LETM1: variants seen among roughly 807,000 people sequenced by gnomAD.
The protein encoded by LETM1 is leucine zipper and EF-hand containing transmembrane protein 1, also known as mitochondrial proton/calcium exchanger protein.
LETM1 carries 50 observed loss-of-function variants against 74.5 expected under a neutral mutation model. The ratio of observed to expected loss-of-function variants is 0.67; its 90% confidence interval spans 0.53 to 0.85. LETM1 has a LOEUF of 0.85. Ranked by LOEUF, LETM1 falls within the 40% of genes least tolerant of loss-of-function variation. LETM1 has a pLI of 0.00. For synonymous variants in LETM1, 446 were observed against 407.1 expected, an observed-to-expected ratio of 1.10 and a Z score of -1.15; for missense variants, 824 against 967.8, an observed-to-expected ratio of 0.85 and a Z score of 1.97.
At position 1,818,910 on chromosome 4, in the gene LETM1, C is replaced by G. The variant is rs546174776; in HGVS notation, c.1743+428G>C. Among the ~76,000 whole-genome samples, 3 of 151,772 alleles carry G rather than the reference C, an allele frequency of 2.0e-5. No individual in the cohort carries two copies. In the South Asian group the frequency reaches 6.3e-4, roughly 32 times the overall value. On this transcript the variant is annotated intron_variant, in intron 11 of 13. Coordinates refer to ENST00000302787, the MANE Select transcript of LETM1 (RefSeq NM_012318.3). ...GAGCCTGGTCAACATGGTGAAACCC[C>G]GTCTCTACTAAAAATACAAAAAATT... is the stretch of plus-strand genomic sequence containing the variant.
rs1173015252 is a variant in LETM1 at position 1,812,366 on chromosome 4, A to C, written c.*2058T>G. 3 of 11,692 alleles carry C rather than the reference A, an allele frequency of 2.6e-4. No individual in the cohort carries two copies. Among genetic ancestry groups the C allele is most frequent in the African/African-American group, 8.0e-4 (3 of 3,732 alleles). The allele number at this position is 11,692 out of a possible 1,614,324, so 0.7% of individuals were successfully genotyped here. A position where few individuals can be genotyped will look rare whatever the true frequency, so the allele number is the denominator to read the frequency against. On this transcript the variant is annotated 3_prime_UTR_variant, in exon 14 of 14. Coordinates refer to ENST00000302787, the MANE Select transcript of LETM1 (RefSeq NM_012318.3). ...GGTGACAGAGCGAGACTCTGTATCAAAAAAAAAAAAAAAAAAAAAAAAAAG... is the reference window on the plus strand; with the variant it reads ...GGTGACAGAGCGAGACTCTGTATCACAAAAAAAAAAAAAAAAAAAAAAAAG...
At chr4:1,832,346 C>G (rs1009444343) in intron 6 of LETM1, among the ~76,000 whole-genome samples, 2 of 151,978 alleles carry the variant, frequency 1.3e-5, no homozygotes, top group African/African-American at 4.8e-5. Context: ...GGGCAGCGCC[C>G]TGAAAGCACA....
intron 11 of LETM1, among the ~76,000 whole-genome samples, chr4:1,818,489 T>C (rs990331282): frequency 6.6e-6 from 1 of 151,706 alleles, no homozygotes; most frequent in Non-Finnish European, 1.5e-5. Flanking sequence ...GGCACATGCC[T>C]GTAGTCCCAG....
chr4:1,822,568 C>G (rs933678183), intron 9 of LETM1: 5 of 365,394 alleles, frequency 1.4e-5, no homozygotes, highest in Admixed American at 4.7e-5. Flanking sequence ...TGCCCTGTCA[C>G]TTGCAGAGCA....
chr4:1,834,671 C>T lies in LETM1; in HGVS notation c.876+174G>A, dbSNP rs972172666. ...ACCACAGCTTAACTCACTGGGAGCT[C>T]GTGGGGGCAGACTCCTGACACTCCA... On this transcript the variant is annotated intron_variant, in intron 5 of 13. Transcript: ENST00000302787. This position sits in a 1 kb window ranked among gnomAD's most constrained non-coding sequence, Gnocchi z 5.0. The T allele has an allele frequency of 2.8e-6, 4 of 1,440,798 alleles. No individual in the cohort carries two copies. The highest frequency in any genetic ancestry group is 2.9e-5 in the African/African-American group (2 of 69,824). The allele number at this position is 1,440,798 out of a possible 1,614,324, so 89.3% of individuals were successfully genotyped here.
In LETM1 at chr4:1,814,504, G is replaced by A. The variant is rs751945222; in HGVS notation, c.2140C>T (p.Leu714=). The A allele has an allele frequency of 5.0e-5, 81 of 1,613,922 alleles. No homozygotes were observed. The highest frequency in any genetic ancestry group is 6.4e-5 in the Non-Finnish European group (76 of 1,179,926). ...TSQVAEIVAT[L]EKEEKVEEKE... is the part of the protein sequence containing the mutation. ...TCCTCCACCTTCTCCTCTTTTTCCA[G>A]TGTTGCTACAATCTCAGCCACCTGG... The change falls in exon 14 of 14, where the codon CTG becomes TTG. Residue 714 remains leucine (L), a synonymous_variant. Coordinates refer to ENST00000302787, the MANE Select transcript of LETM1 (RefSeq NM_012318.3).
intron 3 of LETM1, among the ~76,000 whole-genome samples, chr4:1,838,044 G>A (rs1249003564): frequency 1.3e-5 from 2 of 152,042 alleles, no homozygotes; most frequent in Non-Finnish European, 2.9e-5. Context: ...CACAAAAGCA[G>A]AACTGCAAAT....
chr4:1,827,643 T>C (rs1176693908), intron 6 of LETM1, among the ~76,000 whole-genome samples: 3 of 136,974 alleles, frequency 2.2e-5, no homozygotes, highest in Admixed American at 7.4e-5. Context: ...GGCAGAGGAA[T>C]TTTTCTTAGT....
At position 1,816,798 on chromosome 4, in the gene LETM1, A is replaced by G. The variant is rs1481062837; in HGVS notation, c.1860T>C (p.Asp620=). The change falls in exon 12 of 14, where the codon GAT becomes GAC. Residue 620 remains aspartate, a synonymous_variant. Coordinates refer to ENST00000302787, the MANE Select transcript of LETM1 (RefSeq NM_012318.3). The stretch of plus-strand genomic sequence containing the variant: ...CCATCTCCAGCTGCGAGATCAAGCC[A>G]TCGATCTGCCCGATCATTTGCTGCA... ...KRVQQMIGQI[D]GLISQLEMDQ... is the part of the protein sequence containing the mutation. 1.2e-6 allele frequency: 2 copies of G among 1,614,250 alleles called. No homozygotes were observed. Among genetic ancestry groups the G allele is most frequent in the Non-Finnish European group, 1.7e-6 (2 of 1,180,028 alleles).
At chr4:1,843,355 C>T (rs561270443) in intron 2 of LETM1, 1 of 153,126 alleles carries the variant, frequency 6.5e-6, no homozygotes, top group Non-Finnish European at 1.5e-5. Flanking sequence ...ACTCTCTGGA[C>T]CCGCTGCTTG....
intron 6 of LETM1, among the ~76,000 whole-genome samples, chr4:1,828,043 G>C (rs1712068649): frequency 7.0e-6 from 1 of 142,824 alleles, no homozygotes; most frequent in Non-Finnish European, 1.5e-5. Flanking sequence ...CCGGGCAGGG[G>C]GGCTGACCCC....
At chr4:1,848,173 G>A (rs1263284401) in intron 2 of LETM1, among the ~76,000 whole-genome samples, 1 of 152,188 alleles carries the variant, frequency 6.6e-6, no homozygotes, top group Non-Finnish European at 1.5e-5. Context: ...GGAGGCTAAG[G>A]CAGGCAGATC....
chr4:1,829,677 C>T lies in LETM1; in HGVS notation c.1080+3067G>A, dbSNP rs556772376. Reference sequence around the variant, plus strand: ...TACAAGAAAAATAAACAAAACTAGCCGGTGTGGTGGCACAGGCCTGTGGTC... The same window carrying T: ...TACAAGAAAAATAAACAAAACTAGCTGGTGTGGTGGCACAGGCCTGTGGTC... On this transcript the variant is annotated intron_variant, in intron 6 of 13. Transcript: ENST00000302787. 2.6e-5 allele frequency among the ~76,000 whole-genome samples: 4 copies of T among 152,200 alleles called. No individual in the cohort carries two copies. In the South Asian group the frequency reaches 6.2e-4, roughly 24 times the overall value.
At chr4:1,833,206 GGATT>G in intron 5 of LETM1, 1 of 474,810 alleles carries the variant, frequency 2.1e-6, no homozygotes, top group South Asian at 2.3e-5. Flanking sequence ...CGAGTAGCTG[GGATT>G]ACAGGCTGCG....
intron 3 of LETM1, among the ~76,000 whole-genome samples, chr4:1,837,854 C>T (rs1313858703): frequency 6.6e-6 from 1 of 151,878 alleles, no homozygotes; most frequent in East Asian, 1.9e-4. Flanking sequence ...AGACATGCGC[C>T]ACCACGCCTA....
intron 11 of LETM1, among the ~76,000 whole-genome samples, chr4:1,818,624 AAAAGAAAG>A (rs564116512): frequency 1.3e-5 from 2 of 152,126 alleles, no homozygotes; most frequent in African/African-American, 4.8e-5. Flanking sequence ...AAAAAAGAAA[AAAAGAAAG>A]AAAGAAAGAA....
At chr4:1,843,121 C>G (rs1712761986) in intron 2 of LETM1, 1 of 230,380 alleles carries the variant, frequency 4.3e-6, no homozygotes, top group Non-Finnish European at 9.1e-6. Flanking sequence ...ACTGTTAGAG[C>G]TCAAATTCCA....
chr4:1,849,877 C>A (rs143523602), intron 1 of LETM1, among the ~76,000 whole-genome samples: 4 of 149,608 alleles, frequency 2.7e-5, no homozygotes, highest in Admixed American at 6.7e-5. Flanking sequence ...TGAAAGAAGG[C>A]GGGGCGCCGT....
rs775662185 is a variant in LETM1 at position 1,825,523 on chromosome 4, T to C, written c.1200+41A>G. 3 of 1,589,372 alleles carry C rather than the reference T, an allele frequency of 1.9e-6. 1 individual carries two copies. In the South Asian group the frequency reaches 3.3e-5, roughly 18 times the overall value. On this transcript the variant is annotated intron_variant, in intron 7 of 13. Transcript: ENST00000302787. Reference sequence around the variant, plus strand: ...GGCCTTTCGAGGCTGATGTTTCCCTTGAGCCCGTGCCGGCCTGGCACCAGG... The same window carrying C: ...GGCCTTTCGAGGCTGATGTTTCCCTCGAGCCCGTGCCGGCCTGGCACCAGG...
Sources: allele counts gnomAD v4.1 joint callset (sites outside exome capture counted in the v4.1 genomes callset), GRCh38; gene constraint gnomAD v4.1.1; non-coding constraint Gnocchi (gnomAD v3.1); transcripts MANE v1.5; gene names NCBI Gene and HGNC (gene_info 2026-07-23, HGNC 2026-07-21).